TMEM132D: variants seen among roughly 807,000 people sequenced by gnomAD.
TMEM132D encodes mature OL transmembrane protein.
In TMEM132D, 21 loss-of-function variants were observed where a neutral mutation model predicts 62.3. The observed-to-expected ratio is 0.34, with a 90% CI of 0.24 to 0.49. The LOEUF is 0.49. Among genes scored for constraint, TMEM132D ranks in the 20% least tolerant of loss-of-function variants. The pLI is 0.99. For missense variants in TMEM132D, 1,346 were observed against 1,402.8 expected, an observed-to-expected ratio of 0.96 and a Z score of 0.65; for synonymous variants, 621 against 575.6, an observed-to-expected ratio of 1.08 and a Z score of -1.13.
In TMEM132D at chr12:129,767,060, G is replaced by A. The variant is rs886741800; in HGVS notation, c.80-66362C>T. Reference sequence around the variant, plus strand: ...CGTGGAGTAGCCCTGCTCTGCAGAAGCAGTCACAGAGCTGTTACCCAGCTG... The same window carrying A: ...CGTGGAGTAGCCCTGCTCTGCAGAAACAGTCACAGAGCTGTTACCCAGCTG... On this transcript the variant is annotated intron_variant, in intron 1 of 8. Transcript: ENST00000422113. Among the ~76,000 whole-genome samples, 12 of 152,334 alleles carry A rather than the reference G, an allele frequency of 7.9e-5. No individual in the cohort carries two copies. In the East Asian group the frequency reaches 1.7e-3, roughly 22 times the overall value.
At chr12:129,808,586 C>T (rs879052285) in intron 1 of TMEM132D, among the ~76,000 whole-genome samples, 4 of 152,116 alleles carry the variant, frequency 2.6e-5, no homozygotes, top group Non-Finnish European at 4.4e-5. Context: ...AGCATTGAAA[C>T]GTATAAAGCA....
intron 5 of TMEM132D, among the ~76,000 whole-genome samples, chr12:129,124,544 G>C (rs1344128949): frequency 1.3e-5 from 2 of 152,096 alleles, no homozygotes; most frequent in Admixed American, 1.3e-4. Context: ...GCTCATCCTA[G>C]AACTTCACAT....
intron 2 of TMEM132D, among the ~76,000 whole-genome samples, chr12:129,600,240 T>C (rs1399168994): frequency 2.0e-5 from 3 of 152,230 alleles, no homozygotes; most frequent in Non-Finnish European, 2.9e-5. Flanking sequence ...TCTTTGTTCA[T>C]CCATAAGAAG....
At chr12:129,417,309 G>A (rs985759982) in intron 3 of TMEM132D, among the ~76,000 whole-genome samples, 4 of 152,090 alleles carry the variant, frequency 2.6e-5, no homozygotes, top group African/African-American at 4.8e-5. Context: ...ATACTACAAG[G>A]CTGCAGTAAC....
At position 129,401,983 on chromosome 12, in the gene TMEM132D, G is replaced by GCTGCAATTCAA. The variant is rs1871637435; in HGVS notation, c.1116-64167_1116-64166insTTGAATTGCAG. ...AGTGGCTGCAATTCAATACAACCAGGTACATGAGGGAGGGTGGCACGTTCT... is the reference window on the plus strand; with the variant it reads ...AGTGGCTGCAATTCAATACAACCAGGCTGCAATTCAATACATGAGGGAGGGTGGCACGTTCT... On this transcript the variant is annotated intron_variant, in intron 3 of 8. Transcript: ENST00000422113. Among the ~76,000 whole-genome samples the GCTGCAATTCAA allele has an allele frequency of 2.0e-5, 3 of 152,174 alleles. No homozygotes were observed. In the South Asian group the frequency reaches 6.2e-4, roughly 32 times the overall value.
intron 2 of TMEM132D, among the ~76,000 whole-genome samples, chr12:129,644,272 G>GAA (rs1275101537): frequency 6.6e-6 from 1 of 152,162 alleles, no homozygotes; most frequent in Admixed American, 6.5e-5. Context: ...CTTGGCAAAA[G>GAA]AAACTCTAAA....
intron 1 of TMEM132D, among the ~76,000 whole-genome samples, chr12:129,831,364 C>T (rs1262938152): frequency 6.6e-6 from 1 of 152,162 alleles, no homozygotes; most frequent in Non-Finnish European, 1.5e-5. Flanking sequence ...TACGCAAATG[C>T]GATTGCGTGT....
intron 3 of TMEM132D, among the ~76,000 whole-genome samples, chr12:129,433,882 T>C (rs1329888835): frequency 6.6e-6 from 1 of 152,174 alleles, no homozygotes; most frequent in Non-Finnish European, 1.5e-5. Context: ...GAAGAGACCA[T>C]ATGCCAAACC....
chr12:129,500,100 G>A (rs1381372346), intron 3 of TMEM132D, among the ~76,000 whole-genome samples: 5 of 147,312 alleles, frequency 3.4e-5, no homozygotes, highest in East Asian at 4.0e-4. Flanking sequence ...CAATTCACCT[G>A]ACCTCATCTG....
chr12:129,371,746 T>C lies in TMEM132D; in HGVS notation c.1116-33929A>G, dbSNP rs1038080186. 6.6e-6 allele frequency among the ~76,000 whole-genome samples: 1 copy of C among 152,132 alleles called. No homozygotes were observed. The highest frequency in any genetic ancestry group is 1.5e-5 in the Non-Finnish European group (1 of 68,022). On this transcript the variant is annotated intron_variant, in intron 3 of 8. Coordinates refer to ENST00000422113, the MANE Select transcript of TMEM132D (RefSeq NM_133448.3). The surrounding 1 kb of genome is among the most constrained non-coding windows in gnomAD (Gnocchi z 4.3). Reference sequence around the variant, plus strand: ...ATGGGGTGTTTAGAACTGGAAAACATGGAAGTCTATACATAGCTTTACGTA... The same window carrying C: ...ATGGGGTGTTTAGAACTGGAAAACACGGAAGTCTATACATAGCTTTACGTA...
At chr12:129,739,048 A>T (rs1565968355) in intron 1 of TMEM132D, among the ~76,000 whole-genome samples, 1 of 152,126 alleles carries the variant, frequency 6.6e-6, no homozygotes, top group Non-Finnish European at 1.5e-5. Context: ...AGACGACAAA[A>T]GCTCCATCAG....
chr12:129,221,719 A>G (rs1879349838), intron 4 of TMEM132D, among the ~76,000 whole-genome samples: 2 of 152,162 alleles, frequency 1.3e-5, no homozygotes, highest in Admixed American at 1.3e-4. Flanking sequence ...AAGATCAGTA[A>G]CCTAATCAGT....
chr12:129,782,309 G>A (rs1174295975), intron 1 of TMEM132D, among the ~76,000 whole-genome samples: 1 of 152,146 alleles, frequency 6.6e-6, no homozygotes, highest in East Asian at 1.9e-4. Flanking sequence ...ATCGGGAGAT[G>A]TTCAACTGTG....
chr12:129,484,806 G>A (rs751899639), intron 3 of TMEM132D, among the ~76,000 whole-genome samples: 13 of 152,202 alleles, frequency 8.5e-5, no homozygotes, highest in South Asian at 2.1e-4. Flanking sequence ...AATAACTGGC[G>A]TGTATCAGAA....
At chr12:129,842,721 G>C (rs1048065724) in intron 1 of TMEM132D, among the ~76,000 whole-genome samples, 8 of 152,062 alleles carry the variant, frequency 5.3e-5, no homozygotes, top group African/African-American at 1.9e-4. Flanking sequence ...CTCCAGCCTT[G>C]ACCTCCCAAA....
chr12:129,787,508 G>T (rs562473921), intron 1 of TMEM132D, among the ~76,000 whole-genome samples: 1 of 152,182 alleles, frequency 6.6e-6, no homozygotes, highest in African/African-American at 2.4e-5. Context: ...TCTACAGAAA[G>T]AGCGAAGTTT....
chr12:129,634,688 C>T (rs1031028528), intron 2 of TMEM132D, among the ~76,000 whole-genome samples: 8 of 151,998 alleles, frequency 5.3e-5, no homozygotes, highest in African/African-American at 1.9e-4. Flanking sequence ...GAAACGTTGG[C>T]AGGTCAGAGT....
chr12:129,554,925 T>C (rs1057159856), intron 2 of TMEM132D, among the ~76,000 whole-genome samples: 7 of 152,134 alleles, frequency 4.6e-5, no homozygotes, highest in African/African-American at 1.7e-4. Flanking sequence ...TTCTCCCTGT[T>C]TTTCATGGAG....
At chr12:129,750,187 G>A (rs182017196) in intron 1 of TMEM132D, among the ~76,000 whole-genome samples, 197 of 152,112 alleles carry the variant, frequency 1.3e-3, no homozygotes, top group African/African-American at 4.5e-3. Context: ...CCAGGTTCAC[G>A]TCATTCTCCT....
Sources: gnomAD v4.1 joint callset for allele counts (sites outside exome capture counted in the v4.1 genomes callset) on GRCh38, gnomAD v4.1.1 for gene constraint, Gnocchi (gnomAD v3.1) non-coding constraint, MANE v1.5 for transcripts, NCBI Gene and HGNC (gene_info 2026-07-23, HGNC 2026-07-21) for gene names.